FARP1: variants seen among roughly 807,000 people sequenced by gnomAD.
FARP1 encodes FERM, ARHGEF and pleckstrin domain-containing protein 1.
In FARP1, 52 loss-of-function variants were observed where a neutral mutation model predicts 128.8. The ratio of observed to expected loss-of-function variants is 0.40; its 90% CI spans 0.32 to 0.51. The LOEUF is 0.51. FARP1 is among the 20% of genes least tolerant of loss of function. The pLI, the probability that FARP1 is intolerant of heterozygous loss-of-function variation, is 0.45. For synonymous variants in FARP1, 580 were observed against 551.8 expected (o/e 1.05, Z -0.72); for missense variants, 1,333 against 1,367.9 (o/e 0.97, Z 0.40).
chr13:98,309,777 A>C (rs1181201871), intron 2 of FARP1, among the ~76,000 whole-genome samples: 1 of 152,242 alleles, frequency 6.6e-6, no homozygotes, highest in African/African-American at 2.4e-5. Context: ...TGTGTAGGCA[A>C]CAGCCCCTTA....
chr13:98,398,339 C>T (rs1162986182), intron 13 of FARP1: 2 of 152,130 alleles, frequency 1.3e-5, no homozygotes, highest in African/African-American at 4.8e-5. Context: ...TATATTTAAC[C>T]AGAATCACAG....
chr13:98,205,782 C>T (rs779699618), intron 1 of FARP1, among the ~76,000 whole-genome samples: 22 of 152,160 alleles, frequency 1.4e-4, no homozygotes, highest in Non-Finnish European at 2.8e-4. Context: ...TTCCTTTTAG[C>T]TGCTTCCCAT....
At chr13:98,153,570 T>TGTATAAATATGTATAA (rs1478145256) in intron 1 of FARP1, among the ~76,000 whole-genome samples, 8 of 103,020 alleles carry the variant, frequency 7.8e-5, no homozygotes, top group Admixed American at 2.1e-4. Flanking sequence ...ATATATATTA[T>TGTATAAATATGTATAA]ATATATATTT....
chr13:98,363,773 G>A (rs1888971934), intron 3 of FARP1, among the ~76,000 whole-genome samples: 1 of 152,030 alleles, frequency 6.6e-6, no homozygotes, highest in Admixed American at 6.6e-5. Context: ...ACAGAGTCTC[G>A]CTCTGTCCCC....
intron 8 of FARP1, 113 bp from the exon 9 acceptor site, chr13:98,388,270 A>G (rs1890173877): frequency 1.4e-6 from 1 of 726,714 alleles, no homozygotes; most frequent in Non-Finnish European, 2.5e-6. Context: ...AGTCATCTCT[A>G]CTGAGCAGTC....
intron 17 of FARP1, among the ~76,000 whole-genome samples, chr13:98,429,099 C>T (rs1469944582): frequency 1.3e-5 from 2 of 152,174 alleles, no homozygotes; most frequent in Non-Finnish European, 2.9e-5. Flanking sequence ...TTTGCAACTT[C>T]CTATGAATGT....
chr13:98,280,100 GC>G (rs1884858496), intron 2 of FARP1, among the ~76,000 whole-genome samples: 1 of 152,146 alleles, frequency 6.6e-6, no homozygotes, highest in African/African-American at 2.4e-5. Context: ...TGCCTGCAGT[GC>G]CCGTGGCTCC....
intron 2 of FARP1, among the ~76,000 whole-genome samples, chr13:98,286,869 G>C (rs1042866672): frequency 1.4e-4 from 21 of 152,168 alleles, no homozygotes; most frequent in Non-Finnish European, 2.8e-4. Flanking sequence ...GGATTGATGG[G>C]CTTCAGGGAT....
intron 2 of FARP1, among the ~76,000 whole-genome samples, chr13:98,280,909 T>C (rs1356337393): frequency 6.6e-6 from 1 of 152,226 alleles, no homozygotes. Context: ...CAGAGAGGGA[T>C]GTTTTTGTTA....
rs565040197 is a variant in FARP1, at chr13:98,409,626, C to T, written c.1602+101C>T. Reference sequence around the variant, plus strand: ...AAAATATACATAAGAGCAAAGGTACCATGTGAGCCATTTTCAAGTGTACAG... The same window carrying T: ...AAAATATACATAAGAGCAAAGGTACTATGTGAGCCATTTTCAAGTGTACAG... On this transcript the variant is annotated intron_variant, in intron 14 of 26. Transcript: ENST00000319562. 4 of 1,065,554 alleles carry T rather than the reference C, an allele frequency of 3.8e-6. No homozygotes were observed. In the South Asian group the frequency reaches 8.5e-5, roughly 23 times the overall value. 66.0% of individuals were successfully genotyped at this position (1,065,554 alleles called of 1,614,324 possible). A position where few individuals can be genotyped will look rare whatever the true frequency, so the allele number is the denominator to read the frequency against.
intron 5 of FARP1, among the ~76,000 whole-genome samples, chr13:98,371,257 A>G (rs1252910696): frequency 5.2e-5 from 7 of 135,604 alleles, no homozygotes; most frequent in Admixed American, 7.6e-5. Context: ...TGTTTTGCCA[A>G]TAGTTTTGCA....
rs113242156 is a variant in FARP1, at chr13:98,446,454, G to T, written c.2905-212G>T. 3 of 609,522 alleles carry T rather than the reference G, an allele frequency of 4.9e-6. No homozygotes were observed. The African/African-American group carries it at 5.6e-5, about 11-fold the overall frequency. 37.8% of individuals were successfully genotyped at this position (609,522 alleles called of 1,614,324 possible). On this transcript the variant is annotated intron_variant, in intron 25 of 26. Transcript: ENST00000319562. ...TGTCTTCTGCCTGGACAAGGGACGG[G>T]GGTTGGCTTTATCTACAGCTCAGTC...
intron 18 of FARP1, chr13:98,435,358 G>A (rs1892213392): frequency 2.1e-6 from 1 of 467,068 alleles, no homozygotes; most frequent in Admixed American, 3.9e-5. Flanking sequence ...CCATGCAGGG[G>A]TCACTTAGTT....
chr13:98,240,050 G>A (rs1244311267), intron 2 of FARP1, among the ~76,000 whole-genome samples: 1 of 152,050 alleles, frequency 6.6e-6, no homozygotes, highest in African/African-American at 2.4e-5. Context: ...GAGGGGAGGT[G>A]GCTTTAGCTC....
intron 2 of FARP1, chr13:98,233,530 G>A (rs570203574): frequency 2.6e-5 from 4 of 152,326 alleles, no homozygotes; most frequent in African/African-American, 9.6e-5. Context: ...GGGGCCAGGA[G>A]GGTTCCCCAG....
At chr13:98,351,904 C>G (rs1233859050) in intron 3 of FARP1, among the ~76,000 whole-genome samples, 2 of 152,086 alleles carry the variant, frequency 1.3e-5, no homozygotes, top group Non-Finnish European at 2.9e-5. Context: ...CCGCCAGGAC[C>G]CACCCCCAAC....
At chr13:98,341,519 C>A (rs552294476) in intron 2 of FARP1, among the ~76,000 whole-genome samples, 1 of 152,304 alleles carries the variant, frequency 6.6e-6, no homozygotes, top group South Asian at 2.1e-4. Context: ...GTAATCCCAG[C>A]TACCTGGGAA....
intron 2 of FARP1, among the ~76,000 whole-genome samples, chr13:98,256,950 T>TATAC (rs1883631257): frequency 6.6e-5 from 1 of 15,128 alleles, no homozygotes; most frequent in Non-Finnish European, 1.0e-4. Context: ...TATATGTGGA[T>TATAC]ATATATATAT....
chr13:98,301,874 G>T (rs1443504746), intron 2 of FARP1, among the ~76,000 whole-genome samples: 2 of 152,182 alleles, frequency 1.3e-5, no homozygotes, highest in African/African-American at 2.4e-5. Flanking sequence ...CCAGGGCATG[G>T]AGGATGCGTG....
Sources: allele counts gnomAD v4.1 joint callset (sites outside exome capture counted in the v4.1 genomes callset), GRCh38; gene constraint gnomAD v4.1.1; transcripts MANE v1.5; gene names NCBI Gene and HGNC (gene_info 2026-07-23, HGNC 2026-07-21).